The following CNTN4 variants were observed in gnomAD, a reference collection of about 807,000 sequenced individuals.
CNTN4 encodes the protein contactin 4.
A neutral mutation model predicts 122.5 loss-of-function variants in CNTN4; 77 were observed. The observed-to-expected ratio is 0.63, with a 90% CI of 0.52 to 0.76. CNTN4 has a LOEUF of 0.76. Among genes scored for constraint, CNTN4 ranks in the 30% least tolerant of loss-of-function variants. The pLI is 0.00. For missense variants in CNTN4, 1,256 were observed against 1,259.1 expected (o/e 1.00, Z 0.04); for synonymous variants, 512 against 447.0 (o/e 1.15, Z -1.83).
At chr3:3,043,511 C>G (rs548235958) in intron 22 of CNTN4, 81 bp from the exon 23 acceptor site, 8 of 1,113,438 alleles carry the variant, frequency 7.2e-6, no homozygotes, top group Non-Finnish European at 1.1e-5. Flanking sequence ...CCTCCACTCT[C>G]GAATTCTAGT....
intron 2 of CNTN4, among the ~76,000 whole-genome samples, chr3:2,252,997 G>A (rs1334652495): frequency 6.6e-6 from 1 of 151,870 alleles, no homozygotes; most frequent in Admixed American, 6.6e-5. Context: ...TACATGCACA[G>A]CACAATGAAA....
At chr3:2,891,196 G>T (rs1384954856) in intron 10 of CNTN4, among the ~76,000 whole-genome samples, 1 of 152,152 alleles carries the variant, frequency 6.6e-6, no homozygotes, top group Admixed American at 6.5e-5. Context: ...AGGTGCAGTG[G>T]CTTATGCCTG....
rs919713283 is a variant in CNTN4, at chr3:2,732,723, C to CT, written c.56-3486dup. The stretch of plus-strand genomic sequence containing the variant: ...AAGGTTTTGGTGAAATAAAGCAGCT[C>CT]TTTTTTCTCAAAAACATTGTTAACC... On this transcript the variant is annotated intron_variant, in intron 4 of 24. Transcript: ENST00000418658. Among the ~76,000 whole-genome samples, 4 of 152,188 alleles carry CT rather than the reference C, an allele frequency of 2.6e-5. No homozygotes were observed. The South Asian group carries it at 6.2e-4, about 24-fold the overall frequency.
At chr3:2,672,605 C>A (rs371996926) in intron 4 of CNTN4, among the ~76,000 whole-genome samples, 1 of 152,220 alleles carries the variant, frequency 6.6e-6, no homozygotes, top group South Asian at 2.1e-4. Context: ...ACACTTGGTG[C>A]GCTGCACGTA....
At chr3:2,661,994 A>T (rs997835932) in intron 4 of CNTN4, among the ~76,000 whole-genome samples, 2 of 152,180 alleles carry the variant, frequency 1.3e-5, no homozygotes, top group Admixed American at 6.5e-5. Flanking sequence ...TGCAGAGCAG[A>T]TATCAAGAAA....
intron 6 of CNTN4, among the ~76,000 whole-genome samples, chr3:2,758,995 G>A (rs1169777188): frequency 1.3e-5 from 2 of 151,896 alleles, no homozygotes; most frequent in East Asian, 3.9e-4. Flanking sequence ...GTCACTTTCT[G>A]TTCCTTCCAG....
chr3:2,476,638 T>C (rs1371809013), intron 3 of CNTN4, among the ~76,000 whole-genome samples: 20 of 152,190 alleles, frequency 1.3e-4, no homozygotes, highest in Admixed American at 1.3e-3. Flanking sequence ...GAATAGTAGT[T>C]GCCTGGGACT....
chr3:2,749,223 G>C lies in CNTN4; in HGVS notation c.358+3526G>C, dbSNP rs530387284. Among the ~76,000 whole-genome samples, 6 of 152,100 alleles carry C rather than the reference G, an allele frequency of 3.9e-5. No individual in the cohort carries two copies. In the East Asian group the frequency reaches 9.7e-4, roughly 25 times the overall value. On this transcript the variant is annotated intron_variant, in intron 6 of 24. Transcript: ENST00000418658. ...CCGTCGCCCTAGCTGGAGTGCAGTG[G>C]TGCGACCTCAGCTCACTGCAACCTC...
At chr3:2,643,983 C>T (rs1223441885) in intron 4 of CNTN4, among the ~76,000 whole-genome samples, 2 of 152,156 alleles carry the variant, frequency 1.3e-5, no homozygotes, top group African/African-American at 4.8e-5. Flanking sequence ...CCATTTTACT[C>T]AGATTAAGGC....
At chr3:2,161,991 C>G (rs904874992) in intron 2 of CNTN4, among the ~76,000 whole-genome samples, 1 of 152,202 alleles carries the variant, frequency 6.6e-6, no homozygotes, top group East Asian at 1.9e-4. Flanking sequence ...GGTAAAACCA[C>G]TGCCATTTTA....
chr3:2,553,135 T>C (rs2078582809), intron 3 of CNTN4, among the ~76,000 whole-genome samples: 1 of 152,140 alleles, frequency 6.6e-6, no homozygotes, highest in South Asian at 2.1e-4. Flanking sequence ...ACAAAGTAAT[T>C]GGCTTGAGTT....
intron 2 of CNTN4, among the ~76,000 whole-genome samples, chr3:2,296,177 A>G (rs544180749): frequency 3.9e-5 from 6 of 152,074 alleles, no homozygotes; most frequent in Non-Finnish European, 8.8e-5. Flanking sequence ...TTTTGGTTCC[A>G]TATGAACTTT....
chr3:2,138,021 C>A (rs2034790743), intron 2 of CNTN4, among the ~76,000 whole-genome samples: 1 of 151,716 alleles, frequency 6.6e-6, no homozygotes, highest in Non-Finnish European at 1.5e-5. Context: ...TCGGCTCTTT[C>A]AGCTTCTAGC....
At chr3:2,880,318 G>C (rs572752203) in intron 8 of CNTN4, among the ~76,000 whole-genome samples, 1 of 152,148 alleles carries the variant, frequency 6.6e-6, no homozygotes, top group African/African-American at 2.4e-5. Context: ...TGCAAGGCAG[G>C]CTGTCTTGAT....
chr3:2,141,558 T>C (rs1028570514), intron 2 of CNTN4, among the ~76,000 whole-genome samples: 4 of 152,168 alleles, frequency 2.6e-5, no homozygotes, highest in Non-Finnish European at 4.4e-5. Flanking sequence ...TAAATGTATA[T>C]TGCTTTAAAT....
intron 14 of CNTN4, among the ~76,000 whole-genome samples, chr3:2,997,365 G>A (rs1464062556): frequency 6.6e-6 from 1 of 152,214 alleles, no homozygotes; most frequent in Non-Finnish European, 1.5e-5. Flanking sequence ...GTTAGAGGTG[G>A]TCCCATGGGG....
chr3:2,122,154 CAA>C (rs140011839), intron 2 of CNTN4, among the ~76,000 whole-genome samples: 9 of 138,536 alleles, frequency 6.5e-5, no homozygotes, highest in South Asian at 2.2e-4. Flanking sequence ...CACTCCATCT[CAA>C]AAAAAAAAAA....
intron 2 of CNTN4, among the ~76,000 whole-genome samples, chr3:2,162,414 G>C (rs1166777274): frequency 1.3e-5 from 2 of 152,156 alleles, no homozygotes. Flanking sequence ...AGCAGGTTTT[G>C]TTTTGTTTTA....
intron 4 of CNTN4, among the ~76,000 whole-genome samples, chr3:2,623,884 C>T (rs1252975379): frequency 2.0e-5 from 3 of 152,076 alleles, no homozygotes; most frequent in African/African-American, 7.2e-5. Flanking sequence ...CCAGGCCTCA[C>T]ACATAGAAAA....
Sources: gnomAD v4.1 joint callset for allele counts (sites outside exome capture counted in the v4.1 genomes callset) on GRCh38, gnomAD v4.1.1 for gene constraint, MANE v1.5 for transcripts, NCBI Gene and HGNC (gene_info 2026-07-23, HGNC 2026-07-21) for gene names.